The following GABRG3 variants were observed in gnomAD, a reference collection of about 807,000 sequenced individuals.
The protein encoded by GABRG3 is gamma-aminobutyric acid receptor subunit gamma-3.
Under a neutral mutation model 48.8 loss-of-function variants are expected in GABRG3, and 25 were observed. That is an observed-to-expected ratio of 0.51 (90% confidence interval 0.37 to 0.72). The LOEUF (loss-of-function observed/expected upper bound fraction) is 0.72, where lower values mean the gene tolerates loss of function less well. Ranked by LOEUF, GABRG3 falls within the 30% of genes least tolerant of loss-of-function variation. The pLI, the probability that GABRG3 is intolerant of heterozygous loss-of-function variation, is 0.00. For missense variants in GABRG3, 394 were observed against 577.9 expected (o/e 0.68, Z 3.26); for synonymous variants, 227 against 217.6 (o/e 1.04, Z -0.38).
chr15:27,065,927 A>G (rs1333408188), intron 3 of GABRG3, among the ~76,000 whole-genome samples: 1 of 152,238 alleles, frequency 6.6e-6, no homozygotes, highest in Non-Finnish European at 1.5e-5. Context: ...GTCAATTTAG[A>G]CATGTCAACC....
intron 5 of GABRG3, among the ~76,000 whole-genome samples, chr15:27,346,750 C>A (rs1894388629): frequency 6.6e-6 from 1 of 152,116 alleles, no homozygotes; most frequent in African/African-American, 2.4e-5. Flanking sequence ...GGACATTCAT[C>A]ATTTCCGTTA....
chr15:27,062,059 G>C (rs1410471993), intron 3 of GABRG3, among the ~76,000 whole-genome samples: 1 of 152,162 alleles, frequency 6.6e-6, no homozygotes, highest in Admixed American at 6.5e-5. Context: ...ACCATCATGG[G>C]CTGCCTTCCG....
chr15:27,417,958 G>A (rs1887991507), intron 5 of GABRG3, among the ~76,000 whole-genome samples: 1 of 152,318 alleles, frequency 6.6e-6, no homozygotes, highest in East Asian at 1.9e-4. Flanking sequence ...CCTATTTCCT[G>A]TGGGGCTTTT....
intron 5 of GABRG3, among the ~76,000 whole-genome samples, chr15:27,377,235 A>G (rs1246950465): frequency 6.6e-6 from 1 of 152,220 alleles, no homozygotes; most frequent in Non-Finnish European, 1.5e-5. Context: ...AAAGCTATTC[A>G]ACAAGTTTCC....
chr15:26,981,186 T>C (rs1274887306), intron 2 of GABRG3, among the ~76,000 whole-genome samples: 2 of 152,230 alleles, frequency 1.3e-5, no homozygotes, highest in African/African-American at 4.8e-5. Context: ...AGAGGGAGAT[T>C]AACCATTGTG....
intron 3 of GABRG3, among the ~76,000 whole-genome samples, chr15:27,038,376 G>C (rs1041132903): frequency 3.9e-5 from 6 of 152,106 alleles, no homozygotes; most frequent in African/African-American, 1.4e-4. Flanking sequence ...ATGTCATTCT[G>C]TACCAAGGTC....
At chr15:27,072,868 A>C (rs781391667) in intron 3 of GABRG3, among the ~76,000 whole-genome samples, 20 of 152,334 alleles carry the variant, frequency 1.3e-4, no homozygotes, top group African/African-American at 4.6e-4. Flanking sequence ...TTCCCTGTGG[A>C]GTGGAAAATG....
intron 5 of GABRG3, chr15:27,362,172 G>T (rs1895046734): frequency 1.3e-5 from 2 of 152,258 alleles, no homozygotes; most frequent in African/African-American, 2.4e-5. Flanking sequence ...AGCTCAAATT[G>T]GCTCAATTAA....
intron 3 of GABRG3, among the ~76,000 whole-genome samples, chr15:27,214,969 G>A (rs1003004481): frequency 2.0e-5 from 3 of 152,170 alleles, no homozygotes; most frequent in African/African-American, 7.2e-5. Flanking sequence ...GAACCCTATG[G>A]CTATTAGTAT....
rs1891645500 is a variant in GABRG3, at chr15:27,540,708, C to T, written c.*7827C>T. ...CTTTACGTGCAGCTCCGGTACTGAG[C>T]AAAAGGTTCGTTGTTTAGGAGTGAA... is the stretch of plus-strand genomic sequence containing the variant. On this transcript the variant is annotated 3_prime_UTR_variant, in exon 10 of 10. Transcript: ENST00000615808. The T allele has an allele frequency of 6.6e-6, 1 of 152,136 alleles. No homozygotes were observed. Among genetic ancestry groups the T allele is most frequent in the Non-Finnish European group, 1.5e-5 (1 of 68,036 alleles). 9.4% of individuals were successfully genotyped at this position (152,136 alleles called of 1,614,324 possible).
At chr15:27,435,056 C>T (rs1245490958) in intron 5 of GABRG3, among the ~76,000 whole-genome samples, 1 of 152,062 alleles carries the variant, frequency 6.6e-6, no homozygotes, top group Non-Finnish European at 1.5e-5. Flanking sequence ...TCTTTCTGGA[C>T]CACTCTTCCC....
At chr15:27,347,787 G>T (rs1179381121) in intron 5 of GABRG3, among the ~76,000 whole-genome samples, 1 of 152,114 alleles carries the variant, frequency 6.6e-6, no homozygotes, top group Non-Finnish European at 1.5e-5. Flanking sequence ...TCATCAGAAT[G>T]ATTATTTCAG....
intron 3 of GABRG3, among the ~76,000 whole-genome samples, chr15:27,099,926 A>G (rs1254155709): frequency 1.3e-5 from 2 of 152,134 alleles, no homozygotes; most frequent in Non-Finnish European, 2.9e-5. Flanking sequence ...TATTCTAAAA[A>G]TCAGAATTGG....
chr15:27,464,575 C>G (rs1039267129), intron 5 of GABRG3, among the ~76,000 whole-genome samples: 1 of 152,198 alleles, frequency 6.6e-6, no homozygotes, highest in South Asian at 2.1e-4. Context: ...CCATTTTGCA[C>G]TCCCACCAGC....
At chr15:27,307,017 T>TTTATATATAAACATATATAAACCTATGG in intron 3 of GABRG3, among the ~76,000 whole-genome samples, 1 of 115,080 alleles carries the variant, frequency 8.7e-6, no homozygotes, top group East Asian at 2.6e-4. Flanking sequence ...TATAAACATG[T>TTTATATATAAACATATATAAACCTATGG]TTATATATAA....
chr15:27,004,054 G>A (rs1235960721), intron 2 of GABRG3, among the ~76,000 whole-genome samples: 4 of 148,162 alleles, frequency 2.7e-5, no homozygotes, highest in East Asian at 4.1e-4. Flanking sequence ...CCTCCCGGAC[G>A]GGGCGGCTGA....
chr15:27,342,198 T>C (rs1251263713), intron 5 of GABRG3, among the ~76,000 whole-genome samples: 5 of 152,236 alleles, frequency 3.3e-5, no homozygotes, highest in African/African-American at 1.2e-4. Flanking sequence ...CTTCTGTGCA[T>C]GTGTTTCCTG....
At chr15:27,244,945 G>T (rs1299048120) in intron 3 of GABRG3, among the ~76,000 whole-genome samples, 1 of 152,084 alleles carries the variant, frequency 6.6e-6, no homozygotes, top group African/African-American at 2.4e-5. Flanking sequence ...GCTGGTGTAG[G>T]TTTTTAAAAA....
chr15:27,134,287 G>T (rs1897969404), intron 3 of GABRG3, among the ~76,000 whole-genome samples: 1 of 152,162 alleles, frequency 6.6e-6, no homozygotes, highest in Non-Finnish European at 1.5e-5. Flanking sequence ...ACTAAACACA[G>T]GATTTGTGCA....
Sources: gnomAD v4.1 joint callset for allele counts (sites outside exome capture counted in the v4.1 genomes callset) on GRCh38, gnomAD v4.1.1 for gene constraint, MANE v1.5 for transcripts, NCBI Gene and HGNC (gene_info 2026-07-23, HGNC 2026-07-21) for gene names.